PMM2: variants seen among roughly 807,000 people sequenced by gnomAD.
PMM2 encodes the protein mannose-6-phosphate isomerase.
Under a neutral mutation model 33.2 loss-of-function variants are expected in PMM2, and 35 were observed. That is an observed-to-expected ratio of 1.06 (90% CI 0.81 to 1.40). The LOEUF (loss-of-function observed/expected upper bound fraction) is 1.40, where lower values mean the gene tolerates loss of function less well. Ranked by LOEUF, PMM2 falls within the 40% of genes most tolerant of loss-of-function variation. The probability of loss-of-function intolerance (pLI) is 0.00; values close to 1 mark genes in which losing one functional copy is unlikely to be tolerated. For missense variants in PMM2, 386 were observed against 306.0 expected, an observed-to-expected ratio of 1.26 and a Z score of -1.95; for synonymous variants, 153 against 114.7, an observed-to-expected ratio of 1.33 and a Z score of -2.13.
At chr16:8,839,060 C>G (rs944988916) in intron 7 of PMM2, among the ~76,000 whole-genome samples, 1 of 151,808 alleles carries the variant, frequency 6.6e-6, no homozygotes, top group Non-Finnish European at 1.5e-5. Flanking sequence ...AAGGTCATGA[C>G]AGAGGTTGAA....
At chr16:8,844,860 G>C (rs187223691) in intron 7 of PMM2, among the ~76,000 whole-genome samples, 20 of 152,358 alleles carry the variant, frequency 1.3e-4, no homozygotes, top group South Asian at 2.1e-4. Flanking sequence ...TTGGAGAAGA[G>C]AGTAAAAAGA....
intron 4 of PMM2, chr16:8,806,726 C>G (rs936266397): frequency 5.2e-6 from 2 of 387,836 alleles, no homozygotes; most frequent in Non-Finnish European, 9.6e-6. Flanking sequence ...GCCAACAGTA[C>G]AAGAATGATT....
At chr16:8,847,657 G>A in intron 7 of PMM2, 67 bp from the exon 8 acceptor site, 1 of 1,190,948 alleles carries the variant, frequency 8.4e-7, no homozygotes, top group African/African-American at 1.5e-5. Flanking sequence ...TTGGACTCCA[G>A]GGTCACATCA....
chr16:8,846,984 C>T (rs1249599042), intron 7 of PMM2, among the ~76,000 whole-genome samples: 2 of 152,126 alleles, frequency 1.3e-5, no homozygotes, highest in Non-Finnish European at 2.9e-5. Context: ...CTGCCTCAGC[C>T]TCCCGAGCAG....
At chr16:8,832,759 C>T (rs1184023706) in intron 7 of PMM2, 2 of 984,814 alleles carry the variant, frequency 2.0e-6, no homozygotes, top group Non-Finnish European at 1.2e-6. Context: ...CGTGAAATCC[C>T]AGGTGCTTAC....
intron 2 of PMM2, among the ~76,000 whole-genome samples, chr16:8,803,524 G>A (rs1045821184): frequency 6.6e-6 from 1 of 152,170 alleles, no homozygotes; most frequent in Non-Finnish European, 1.5e-5. Context: ...CACCTGGGAA[G>A]CTTATTAAAA....
rs1368978346 is a variant in PMM2, at chr16:8,806,407, G to A, written c.347G>A (p.Arg116Lys). ...GCGAAAATTAAACTCCCGAAGAAGA[G>A]GTGGGTTTGCTTTTAACAAAGAGGC... ...YIAKIKLPKKRGTFIEFRNGM... is the reference protein window; with the variant it reads ...YIAKIKLPKKKGTFIEFRNGM... Residue 116 changes from arginine (R) to lysine (K), a missense_variant and splice_region_variant, in exon 4 of 8, where the codon AGG (arginine) becomes AAG (lysine). Arg to Lys is a conservative substitution (Grantham distance 26). Transcript: ENST00000268261. 2 of 1,606,968 alleles carry A rather than the reference G, an allele frequency of 1.2e-6. No homozygotes were observed. The highest frequency in any genetic ancestry group is 1.3e-5 in the African/African-American group (1 of 74,798).
At chr16:8,824,127 A>G (rs1009470138) in intron 7 of PMM2, among the ~76,000 whole-genome samples, 5 of 152,234 alleles carry the variant, frequency 3.3e-5, no homozygotes, top group Admixed American at 1.3e-4. Flanking sequence ...CTTTAACTCA[A>G]TTGTTAAAGT....
Position 8,849,227 on chromosome 16 carries a change from C to G in PMM2, c.*1402C>G, listed in dbSNP as rs1331906775. ...GAAAGCAGCCAGCTCATCCCAGTGA[C>G]TCACAGGACACAGCCATCCAGCGGC... On this transcript the variant is annotated 3_prime_UTR_variant, in exon 8 of 8. Coordinates refer to ENST00000268261, the MANE Select transcript of PMM2 (RefSeq NM_000303.3). 2.0e-5 allele frequency: 3 copies of G among 152,376 alleles called. No homozygotes were observed. The highest frequency in any genetic ancestry group is 4.8e-5 in the African/African-American group (2 of 41,472). The allele number at this position is 152,376 out of a possible 1,614,324, so 9.4% of individuals were successfully genotyped here. A position where few individuals can be genotyped will look rare whatever the true frequency, so the allele number is the denominator to read the frequency against.
At chr16:8,847,612 T>G in intron 7 of PMM2, 112 bp from the exon 8 acceptor site, 1 of 777,532 alleles carries the variant, frequency 1.3e-6, no homozygotes, top group East Asian at 2.5e-5. Context: ...GAAGAAACTC[T>G]CCCTGCCCAG....
At chr16:8,809,860 T>C (rs2060668399) in intron 4 of PMM2, 2 of 152,092 alleles carry the variant, frequency 1.3e-5, no homozygotes, top group African/African-American at 2.4e-5. Context: ...ACCCAGGCTG[T>C]AGTGCAGTGG....
At chr16:8,843,118 A>T (rs9936033) in intron 7 of PMM2, among the ~76,000 whole-genome samples, 143,610 of 152,128 alleles carry the variant, frequency 0.94, 67,940 homozygotes, top group East Asian at 0.97. Context: ...TCAAAGAGTA[A>T]TGTCTAAGTT....
chr16:8,800,094 C>G (rs1037861300), intron 1 of PMM2, among the ~76,000 whole-genome samples: 1 of 152,134 alleles, frequency 6.6e-6, no homozygotes, highest in Non-Finnish European at 1.5e-5. Context: ...CACGGTAGTT[C>G]ATGCCTATAA....
rs531066681 is a variant in PMM2, at chr16:8,832,510, A to C, written c.640-15214A>C. 1.0e-5 allele frequency: 10 copies of C among 985,410 alleles called. No homozygotes were observed. The South Asian group carries it at 4.7e-4, about 46-fold the overall frequency. The allele number at this position is 985,410 out of a possible 1,614,324, so 61.0% of individuals were successfully genotyped here. A position where few individuals can be genotyped will look rare whatever the true frequency, so the allele number is the denominator to read the frequency against. On this transcript the variant is annotated intron_variant, in intron 7 of 7. Transcript: ENST00000268261. The stretch of plus-strand genomic sequence containing the variant: ...CGTGCCGTTAGGCCTCTGTCCCTGC[A>C]TGTGACATCTGCAGGGAAGGGCAGG...
chr16:8,827,093 ACAG>A (rs1475920936), intron 7 of PMM2, among the ~76,000 whole-genome samples: 2 of 152,204 alleles, frequency 1.3e-5, no homozygotes, highest in Non-Finnish European at 2.9e-5. Context: ...TCAAAACAGA[ACAG>A]AGCCTTAGAT....
At position 8,848,860 on chromosome 16, in the gene PMM2, C is replaced by G. The variant is rs2060946800; in HGVS notation, c.*1035C>G. 1 of 152,266 alleles carries G rather than the reference C, an allele frequency of 6.6e-6. No individual in the cohort carries two copies. Among genetic ancestry groups the G allele is most frequent in the South Asian group, 2.1e-4 (1 of 4,836 alleles). The allele number at this position is 152,266 out of a possible 1,614,324, so 9.4% of individuals were successfully genotyped here. Reference sequence around the variant, plus strand: ...AGTGCAGCTACAGCTAGGTCCGCGTCCCTCACTCTTTTCATCTTCTGCACG... The same window carrying G: ...AGTGCAGCTACAGCTAGGTCCGCGTGCCTCACTCTTTTCATCTTCTGCACG... On this transcript the variant is annotated 3_prime_UTR_variant, in exon 8 of 8. Transcript: ENST00000268261.
At chr16:8,808,546 T>C (rs1398348478) in intron 4 of PMM2, 2 of 152,226 alleles carry the variant, frequency 1.3e-5, no homozygotes, top group Non-Finnish European at 2.9e-5. Context: ...ACTAACTACA[T>C]GCCCCACAAC....
At chr16:8,798,962 A>G (rs1259656980) in intron 1 of PMM2, among the ~76,000 whole-genome samples, 1 of 152,140 alleles carries the variant, frequency 6.6e-6, no homozygotes, top group African/African-American at 2.4e-5. Context: ...ATGACGCTCA[A>G]CTCCCAAGTT....
intron 7 of PMM2, among the ~76,000 whole-genome samples, chr16:8,837,508 T>C (rs751901049): frequency 1.7e-4 from 25 of 146,094 alleles, no homozygotes; most frequent in Admixed American, 3.4e-4. Flanking sequence ...GAGAAAAGAG[T>C]AGAGACACGG....
Sources: gnomAD v4.1 joint callset for allele counts (sites outside exome capture counted in the v4.1 genomes callset) on GRCh38, gnomAD v4.1.1 for gene constraint, MANE v1.5 for transcripts, NCBI Gene and HGNC (gene_info 2026-07-23, HGNC 2026-07-21) for gene names.